The following LPIN2 variants were observed in gnomAD, a reference collection of about 807,000 sequenced individuals.
LPIN2 encodes lipin 2.
LPIN2 carries 55 observed loss-of-function variants against 111.4 expected under a neutral mutation model. That is an observed-to-expected ratio of 0.49 (90% CI 0.40 to 0.62). The LOEUF is 0.62. LPIN2 is among the 20% of genes least tolerant of loss of function. The pLI, the probability that LPIN2 is intolerant of heterozygous loss-of-function variation, is 0.00. For synonymous variants in LPIN2, 425 were observed against 414.0 expected (o/e 1.03, Z -0.32); for missense variants, 992 against 1,112.1 (o/e 0.89, Z 1.54).
At position 2,951,128 on chromosome 18, in the gene LPIN2, C is replaced by T. The variant is rs140609636; in HGVS notation, c.517G>A (p.Ala173Thr). ...CATGTGTCTTCTGCAGCAGCAGATG[C>T]GGCCTGCTCTTCCTTCTTACTGTCC... ...KQDSKKEEQA[A>T]SAAAEDTCDV... Residue 173 changes from alanine to threonine, a missense_variant, in exon 4 of 20, where the codon GCA (alanine) becomes ACA (threonine). Transcript: ENST00000677752. The T allele has an allele frequency of 1.7e-4, 268 of 1,614,138 alleles. 1 individual carries two copies. The highest frequency in any genetic ancestry group is 1.6e-3 in the African/African-American group (122 of 75,046).
intron 1 of LPIN2, among the ~76,000 whole-genome samples, chr18:3,000,034 T>TG (rs201092525): frequency 3.5e-3 from 528 of 149,304 alleles, no homozygotes; most frequent in African/African-American, 0.011. Context: ...TGTTTTGTTT[T>TG]TTTTTTTCTT....
At chr18:2,954,176 A>C (rs2077577399) in intron 3 of LPIN2, among the ~76,000 whole-genome samples, 1 of 152,236 alleles carries the variant, frequency 6.6e-6, no homozygotes, top group South Asian at 2.1e-4. Context: ...GGCAGAACTG[A>C]ATGTATTCAA....
intron 1 of LPIN2, among the ~76,000 whole-genome samples, chr18:2,992,514 A>C (rs1027219009): frequency 6.6e-6 from 1 of 152,222 alleles, no homozygotes; most frequent in African/African-American, 2.4e-5. Flanking sequence ...AATACCATGA[A>C]ATCATACATT....
At chr18:2,980,060 G>A (rs1293175572) in intron 1 of LPIN2, among the ~76,000 whole-genome samples, 2 of 152,184 alleles carry the variant, frequency 1.3e-5, no homozygotes, top group Admixed American at 6.5e-5. Flanking sequence ...AGGGAGGAAA[G>A]GTATCATTTT....
At chr18:2,926,370 G>A (rs1158114211) in intron 13 of LPIN2, among the ~76,000 whole-genome samples, 3 of 152,158 alleles carry the variant, frequency 2.0e-5, no homozygotes, top group African/African-American at 7.2e-5. Context: ...TTCCAGGAAA[G>A]GAAACCCACC....
chr18:2,932,061 T>C (rs2077219238), intron 8 of LPIN2, among the ~76,000 whole-genome samples: 1 of 151,968 alleles, frequency 6.6e-6, no homozygotes, highest in South Asian at 2.1e-4. Context: ...GAGCTAAAGA[T>C]GAGGTTACTG....
intron 4 of LPIN2, among the ~76,000 whole-genome samples, chr18:2,948,689 A>G (rs1373579140): frequency 6.6e-6 from 1 of 152,222 alleles, no homozygotes; most frequent in Non-Finnish European, 1.5e-5. Context: ...GGAGCATTAC[A>G]AGGCTGATCC....
chr18:2,975,890 T>C (rs971537143), intron 1 of LPIN2, among the ~76,000 whole-genome samples: 1 of 152,190 alleles, frequency 6.6e-6, no homozygotes, highest in Admixed American at 6.5e-5. Context: ...CTGACATTGG[T>C]GGGATACAAT....
intron 4 of LPIN2, among the ~76,000 whole-genome samples, chr18:2,947,643 C>T (rs887422646): frequency 6.6e-6 from 1 of 152,104 alleles, no homozygotes; most frequent in South Asian, 2.1e-4. Context: ...AGAATTTAAA[C>T]GAAATGCCAT....
At position 2,986,769 on chromosome 18, in the gene LPIN2, A is replaced by T. The variant is rs535261712; in HGVS notation, c.-9-25920T>A. On this transcript the variant is annotated intron_variant, in intron 1 of 19. Transcript: ENST00000677752. ...TGGAGACAAGAGAGACAATACTGAGAGTTGCCTGGCTGTAGCAGTCAAGTG... is the reference window on the plus strand; with the variant it reads ...TGGAGACAAGAGAGACAATACTGAGTGTTGCCTGGCTGTAGCAGTCAAGTG... Among the ~76,000 whole-genome samples the T allele has an allele frequency of 2.0e-5, 3 of 152,342 alleles. No homozygotes were observed. In the East Asian group the frequency reaches 5.8e-4, roughly 29 times the overall value.
chr18:2,951,426 GAAT>G (rs2077536107), intron 3 of LPIN2, 70 bp from the exon 4 acceptor site: 1 of 1,286,526 alleles, frequency 7.8e-7, no homozygotes, highest in African/African-American at 1.6e-5. Context: ...GTAATATTTT[GAAT>G]ATATAAATTT....
chr18:3,006,458 C>T (rs1048626148), intron 1 of LPIN2, among the ~76,000 whole-genome samples: 6 of 152,174 alleles, frequency 3.9e-5, no homozygotes, highest in African/African-American at 1.2e-4. Flanking sequence ...AATCCCAGGA[C>T]AGCTGGCAGA....
intron 1 of LPIN2, among the ~76,000 whole-genome samples, chr18:2,981,856 C>T (rs1266392941): frequency 6.6e-6 from 1 of 152,070 alleles, no homozygotes; most frequent in Non-Finnish European, 1.5e-5. Flanking sequence ...AGTTATGAGC[C>T]ACAGATTTTA....
chr18:2,930,828 T>C (rs2077202253), intron 9 of LPIN2, among the ~76,000 whole-genome samples: 1 of 152,178 alleles, frequency 6.6e-6, no homozygotes, highest in Non-Finnish European at 1.5e-5. Context: ...AAAGACCACG[T>C]ACTCAGTGGA....
chr18:2,993,583 T>C (rs1278729540), intron 1 of LPIN2, among the ~76,000 whole-genome samples: 1 of 144,866 alleles, frequency 6.9e-6, no homozygotes, highest in East Asian at 2.1e-4. Flanking sequence ...ACGAGCTTGG[T>C]GATTCCACAG....
chr18:3,008,986 T>C (rs1156869164), intron 1 of LPIN2, among the ~76,000 whole-genome samples: 1 of 151,120 alleles, frequency 6.6e-6, no homozygotes, highest in African/African-American at 2.4e-5. Context: ...AACACATCTG[T>C]CCGGGTGCGG....
intron 1 of LPIN2, among the ~76,000 whole-genome samples, chr18:3,005,872 T>C (rs2143495206): frequency 6.6e-6 from 1 of 152,108 alleles, no homozygotes; most frequent in East Asian, 1.9e-4. Context: ...TAAATAACAA[T>C]GAACAACAAT....
intron 4 of LPIN2, chr18:2,946,920 TTC>T (rs1046444805): frequency 3.8e-6 from 1 of 264,506 alleles, no homozygotes; most frequent in South Asian, 3.9e-5. Flanking sequence ...CCTGCAATAC[TTC>T]TCTCTGTGTT....
intron 4 of LPIN2, among the ~76,000 whole-genome samples, chr18:2,948,730 A>G (rs1157158486): frequency 1.3e-5 from 2 of 152,196 alleles, no homozygotes; most frequent in Non-Finnish European, 2.9e-5. Flanking sequence ...AAGCATTTCA[A>G]GTTTTTCTCA....
Sources: gnomAD v4.1 joint callset for allele counts (sites outside exome capture counted in the v4.1 genomes callset) on GRCh38, gnomAD v4.1.1 for gene constraint, MANE v1.5 for transcripts, NCBI Gene and HGNC (gene_info 2026-07-23, HGNC 2026-07-21) for gene names.